SDC2: variants seen among roughly 807,000 people sequenced by gnomAD.
SDC2 encodes syndecan 2, also known as syndecan-2.
SDC2 carries 13 observed loss-of-function variants against 22.2 expected under a neutral mutation model. The ratio of observed to expected loss-of-function variants is 0.59; its 90% confidence interval spans 0.38 to 0.93. The LOEUF (loss-of-function observed/expected upper bound fraction) is 0.93. SDC2 is among the 40% of genes least tolerant of loss of function. The pLI, the probability that SDC2 is intolerant of heterozygous loss-of-function variation, is 0.00. For missense variants in SDC2, 235 were observed against 246.8 expected (o/e 0.95, Z 0.32); for synonymous variants, 94 against 92.8 (o/e 1.01, Z -0.07).
intron 1 of SDC2, among the ~76,000 whole-genome samples, chr8:96,533,235 G>C (rs1210298168): frequency 6.6e-6 from 1 of 152,124 alleles, no homozygotes; most frequent in African/African-American, 2.4e-5. Flanking sequence ...GTGGAAGGGG[G>C]ACCCGAGCAG....
intron 1 of SDC2, among the ~76,000 whole-genome samples, chr8:96,559,699 A>C (rs904529619): frequency 6.6e-6 from 1 of 152,036 alleles, no homozygotes; most frequent in Non-Finnish European, 1.5e-5. Context: ...ATAGAGTGCA[A>C]GTAGGTCTTG....
chr8:96,540,731 T>A (rs1431979874), intron 1 of SDC2, among the ~76,000 whole-genome samples: 1 of 152,200 alleles, frequency 6.6e-6, no homozygotes, highest in Non-Finnish European at 1.5e-5. Context: ...GTTTTCTTTT[T>A]CCGGTTGAAG....
intron 1 of SDC2, among the ~76,000 whole-genome samples, chr8:96,548,029 C>A (rs1245412265): frequency 6.6e-6 from 1 of 152,186 alleles, no homozygotes; most frequent in Non-Finnish European, 1.5e-5. Flanking sequence ...TTCCAAAGTG[C>A]TGGGATTACA....
intron 1 of SDC2, among the ~76,000 whole-genome samples, chr8:96,585,561 T>C (rs1814669029): frequency 6.6e-6 from 1 of 152,096 alleles, no homozygotes; most frequent in Non-Finnish European, 1.5e-5. Flanking sequence ...TCCTGTTTTA[T>C]GTGTTGTGAT....
At chr8:96,566,149 T>TTC (rs1343578438) in intron 1 of SDC2, among the ~76,000 whole-genome samples, 1 of 152,172 alleles carries the variant, frequency 6.6e-6, no homozygotes, top group Admixed American at 6.5e-5. Flanking sequence ...AAACTGAAAG[T>TTC]TCTGGTGGTT....
At chr8:96,557,518 C>G (rs1455827674) in intron 1 of SDC2, among the ~76,000 whole-genome samples, 2 of 149,160 alleles carry the variant, frequency 1.3e-5, no homozygotes, top group Non-Finnish European at 3.0e-5. Context: ...AGTAAACTAT[C>G]GCAAGAACAA....
intron 2 of SDC2, among the ~76,000 whole-genome samples, chr8:96,595,854 A>G (rs1814865704): frequency 6.6e-6 from 1 of 152,240 alleles, no homozygotes; most frequent in African/African-American, 2.4e-5. Context: ...CACTGATCAG[A>G]TAGATCAAGC....
At chr8:96,500,109 A>G (rs1813139053) in intron 1 of SDC2, among the ~76,000 whole-genome samples, 1 of 152,290 alleles carries the variant, frequency 6.6e-6, no homozygotes, top group South Asian at 2.1e-4. Context: ...CTCTGCACTC[A>G]GTGTCATCAG....
At chr8:96,513,058 C>T (rs192743963) in intron 1 of SDC2, among the ~76,000 whole-genome samples, 32 of 152,018 alleles carry the variant, frequency 2.1e-4, no homozygotes, top group African/African-American at 7.2e-4. Context: ...AGGTAATTTC[C>T]AAGACTAAGG....
At chr8:96,552,697 T>G (rs931851988) in intron 1 of SDC2, among the ~76,000 whole-genome samples, 47 of 152,202 alleles carry the variant, frequency 3.1e-4, no homozygotes, top group African/African-American at 1.1e-3. Context: ...AGCATGTAAT[T>G]AAGGTCATTT....
At chr8:96,534,921 C>A (rs915172424) in intron 1 of SDC2, among the ~76,000 whole-genome samples, 5 of 152,174 alleles carry the variant, frequency 3.3e-5, no homozygotes, top group Admixed American at 2.6e-4. Context: ...GATGGGTTAA[C>A]CTTTTTTTCT....
At chr8:96,592,942 A>G (rs1297487563) in intron 1 of SDC2, among the ~76,000 whole-genome samples, 1 of 152,210 alleles carries the variant, frequency 6.6e-6, no homozygotes, top group Admixed American at 6.5e-5. Flanking sequence ...GCATGGCCTG[A>G]GGACCCAGGT....
intron 3 of SDC2, among the ~76,000 whole-genome samples, chr8:96,604,481 A>G (rs1815044432): frequency 6.6e-6 from 1 of 152,222 alleles, no homozygotes; most frequent in Admixed American, 6.5e-5. Context: ...CAGCACTGAT[A>G]ATGATAATAT....
chr8:96,564,558 G>A (rs933637767), intron 1 of SDC2, among the ~76,000 whole-genome samples: 1 of 152,156 alleles, frequency 6.6e-6, no homozygotes, highest in Non-Finnish European at 1.5e-5. Flanking sequence ...GAGGTAAAGG[G>A]TCTCTAATTT....
chr8:96,516,925 G>A (rs1563645078), intron 1 of SDC2, among the ~76,000 whole-genome samples: 1 of 152,130 alleles, frequency 6.6e-6, no homozygotes, highest in Non-Finnish European at 1.5e-5. Flanking sequence ...GGGGCTATAT[G>A]TTCATATATT....
intron 1 of SDC2, among the ~76,000 whole-genome samples, chr8:96,533,733 C>T (rs990387442): frequency 6.6e-6 from 1 of 152,220 alleles, no homozygotes; most frequent in African/African-American, 2.4e-5. Flanking sequence ...CTTAGCTAGA[C>T]ATAAAGGTTC....
At chr8:96,566,064 C>T (rs1324281149) in intron 1 of SDC2, among the ~76,000 whole-genome samples, 1 of 152,128 alleles carries the variant, frequency 6.6e-6, no homozygotes, top group Non-Finnish European at 1.5e-5. Context: ...TGATGACCAC[C>T]ATCTGGTCTT....
intron 1 of SDC2, among the ~76,000 whole-genome samples, chr8:96,578,423 C>T (rs1814538717): frequency 6.6e-6 from 1 of 152,186 alleles, no homozygotes; most frequent in Non-Finnish European, 1.5e-5. Flanking sequence ...GCTGTTATTT[C>T]GGACAGTGCA....
chr8:96,565,270 A>G (rs1178513352), intron 1 of SDC2, among the ~76,000 whole-genome samples: 2 of 150,576 alleles, frequency 1.3e-5, no homozygotes, highest in Non-Finnish European at 3.0e-5. Flanking sequence ...GTATTTTAGT[A>G]GAGACAGGGT....
Sources: gnomAD v4.1 joint callset for allele counts (sites outside exome capture counted in the v4.1 genomes callset) on GRCh38, gnomAD v4.1.1 for gene constraint, MANE v1.5 for transcripts, NCBI Gene and HGNC (gene_info 2026-07-23, HGNC 2026-07-21) for gene names.